The following ARHGEF37 variants were observed in gnomAD, a reference collection of about 807,000 sequenced individuals.
The protein encoded by ARHGEF37 is Rho guanine nucleotide exchange factor 37.
In ARHGEF37, 55 loss-of-function variants were observed where a neutral mutation model predicts 71.1. The observed-to-expected ratio is 0.77, with a 90% CI of 0.62 to 0.97. The LOEUF (loss-of-function observed/expected upper bound fraction) is 0.97. Ranked by LOEUF, ARHGEF37 falls within the 50% of genes least tolerant of loss-of-function variation. The pLI is 0.00. For synonymous variants in ARHGEF37, 327 were observed against 350.6 expected (o/e 0.93, Z 0.75); for missense variants, 765 against 836.8 (o/e 0.91, Z 1.06).
chr5:149,575,742 C>T (rs112629591), intron 1 of ARHGEF37, among the ~76,000 whole-genome samples: 35,322 of 143,072 alleles, frequency 0.25, 4,907 homozygotes, highest in African/African-American at 0.37. Context: ...AGTGCAGTGA[C>T]GCAATCTCAG....
At chr5:149,620,154 G>A (rs1347903425) in intron 7 of ARHGEF37, among the ~76,000 whole-genome samples, 200 bp from the exon 8 acceptor site, 1 of 152,192 alleles carries the variant, frequency 6.6e-6, no homozygotes, top group Non-Finnish European at 1.5e-5. Context: ...CTGGAATGAG[G>A]AGAAAGATGT....
At chr5:149,574,597 G>A (rs1222983385) in intron 1 of ARHGEF37, among the ~76,000 whole-genome samples, 1 of 152,102 alleles carries the variant, frequency 6.6e-6, no homozygotes, top group Non-Finnish European at 1.5e-5. Context: ...CATGTACAAC[G>A]GATATGCCAG....
chr5:149,607,755 C>CTTTTTTTT (rs67079479), intron 3 of ARHGEF37, among the ~76,000 whole-genome samples: 5 of 83,106 alleles, frequency 6.0e-5, no homozygotes, highest in Admixed American at 1.5e-4. Flanking sequence ...AAAGAAACTT[C>CTTTTTTTT]TTTTTTTTTT....
intron 1 of ARHGEF37, among the ~76,000 whole-genome samples, chr5:149,596,140 C>G (rs556026406): frequency 6.6e-6 from 1 of 152,174 alleles, no homozygotes; most frequent in Admixed American, 6.5e-5. Flanking sequence ...TCAGCTGCTC[C>G]CCACCGTAGT....
At chr5:149,570,051 A>G (rs1762943511) in intron 1 of ARHGEF37, among the ~76,000 whole-genome samples, 1 of 152,222 alleles carries the variant, frequency 6.6e-6, no homozygotes, top group Admixed American at 6.5e-5. Context: ...CCCAGCCAGT[A>G]CAATAATGCA....
chr5:149,595,862 A>G (rs1231906574), intron 1 of ARHGEF37, among the ~76,000 whole-genome samples: 1 of 151,992 alleles, frequency 6.6e-6, no homozygotes, highest in Non-Finnish European at 1.5e-5. Context: ...TTACGAATTT[A>G]TGTTATGAAG....
Position 149,613,764 on chromosome 5 carries a change from C to CT in ARHGEF37, c.459-2786dup, listed in dbSNP as rs5872138. Reference sequence around the variant, plus strand: ...GATATTGATATTTCTACAGTGTTTTCTTTTTTTTTTTTTTTTTGAGACAAG... The same window carrying CT: ...GATATTGATATTTCTACAGTGTTTTCTTTTTTTTTTTTTTTTTTGAGACAAG... On this transcript the variant is annotated intron_variant, in intron 4 of 12. Coordinates refer to ENST00000333677, the MANE Select transcript of ARHGEF37 (RefSeq NM_001001669.3). 9.6e-3 allele frequency among the ~76,000 whole-genome samples: 1,283 copies of CT among 133,232 alleles called. 14 individuals carry two copies. The highest frequency in any genetic ancestry group is 0.023 in the African/African-American group (820 of 36,228). 87.4% of individuals were successfully genotyped at this position (133,232 alleles called of 152,430 possible).
Position 149,590,848 on chromosome 5 carries a change from C to T in ARHGEF37, c.-11-6911C>T, listed in dbSNP as rs145357626. Among the ~76,000 whole-genome samples, 1,031 of 152,272 alleles carry T rather than the reference C, an allele frequency of 6.8e-3. 15 individuals are homozygous for T. The highest frequency in any genetic ancestry group is 0.024 in the African/African-American group (1,002 of 41,550). On this transcript the variant is annotated intron_variant, in intron 1 of 12. Coordinates refer to ENST00000333677, the MANE Select transcript of ARHGEF37 (RefSeq NM_001001669.3). ...TCCTGAGCTAAAGTGATCCTCCCGC[C>T]TCGTCCTCCCAAAGTTCTGGGATTA...
intron 1 of ARHGEF37, among the ~76,000 whole-genome samples, chr5:149,564,100 G>T (rs1485916742): frequency 6.6e-6 from 1 of 151,764 alleles, no homozygotes; most frequent in African/African-American, 2.4e-5. Flanking sequence ...TTGTAAACAT[G>T]CACCAACACG....
At chr5:149,556,036 A>T (rs1472369720) in intron 1 of ARHGEF37, among the ~76,000 whole-genome samples, 1 of 152,212 alleles carries the variant, frequency 6.6e-6, no homozygotes, top group Non-Finnish European at 1.5e-5. Context: ...ACTGGTATCC[A>T]GAATGTGCTT....
chr5:149,583,320 A>C (rs73267839), intron 1 of ARHGEF37, among the ~76,000 whole-genome samples: 7,629 of 152,198 alleles, frequency 0.05, 648 homozygotes, highest in African/African-American at 0.17. Flanking sequence ...GTATTTTAGT[A>C]GAGATGGGGT....
intron 1 of ARHGEF37, among the ~76,000 whole-genome samples, chr5:149,590,456 A>G (rs1283303624): frequency 1.3e-5 from 2 of 151,460 alleles, no homozygotes; most frequent in Middle Eastern, 3.2e-3. Flanking sequence ...TAATTTTTGT[A>G]TTTTTAGTAG....
intron 10 of ARHGEF37, among the ~76,000 whole-genome samples, chr5:149,624,536 G>A (rs1752626280): frequency 6.6e-6 from 1 of 152,220 alleles, no homozygotes; most frequent in South Asian, 2.1e-4. Flanking sequence ...CACTTTGGGA[G>A]GCCGAGGTGG....
chr5:149,601,288 C>T (rs749874627), intron 3 of ARHGEF37, 57 bp downstream of exon 3: 152 of 1,568,586 alleles, frequency 9.7e-5, no homozygotes, highest in Admixed American at 1.4e-4. Context: ...CTGTTCTCAG[C>T]GAGTGGTCAC....
chr5:149,617,982 G>T (rs1300289083), intron 5 of ARHGEF37, among the ~76,000 whole-genome samples, 194 bp from the exon 6 acceptor site: 1 of 152,174 alleles, frequency 6.6e-6, no homozygotes, highest in African/African-American at 2.4e-5. Context: ...AGTCAAGCAG[G>T]CAGGAAGCTC....
intron 4 of ARHGEF37, among the ~76,000 whole-genome samples, chr5:149,610,761 A>G (rs564279355): frequency 4.2e-4 from 64 of 152,368 alleles, no homozygotes; most frequent in African/African-American, 1.5e-3. Context: ...AAAAGGGAGA[A>G]GTGGAGGCTG....
Position 149,621,994 on chromosome 5 carries a change from A to T in ARHGEF37, c.1267A>T (p.Thr423Ser), listed in dbSNP as rs760908019. The T allele has an allele frequency of 6.2e-7, 1 of 1,614,158 alleles. No individual in the cohort carries two copies. The highest frequency in any genetic ancestry group is 1.7e-5 in the Admixed American group (1 of 60,010). The change falls in exon 9 of 13, where the codon ACA becomes TCA. Residue 423 changes from threonine to serine, a missense_variant. This residue lies in a region of ARHGEF37 where 390 missense variants were observed against 407.4 expected (regional missense o/e 0.96). Coordinates refer to ENST00000333677, the MANE Select transcript of ARHGEF37 (RefSeq NM_001001669.3). Reference protein sequence around the residue: ...VMQWLGQIMCTFVTLQRDLAK... With the variant: ...VMQWLGQIMCSFVTLQRDLAK... ...GCAGTGGCTGGGCCAGATCATGTGC[A>T]CATTCGTGACCCTCCAGAGGGACCT...
chr5:149,555,407 A>C (rs1416371081), intron 1 of ARHGEF37, among the ~76,000 whole-genome samples: 2 of 151,782 alleles, frequency 1.3e-5, no homozygotes, highest in Non-Finnish European at 2.9e-5. Context: ...GGGCTCAAGC[A>C]ATCCCCCTGC....
upstream of ARHGEF37, among the ~76,000 whole-genome samples, chr5:149,579,563 GGCA>G (rs1763066394): frequency 6.6e-6 from 1 of 151,732 alleles, no homozygotes. Context: ...ATGCTCTCCA[GGCA>G]ACTGATGTTA....
Sources: gnomAD v4.1 joint callset for allele counts (sites outside exome capture counted in the v4.1 genomes callset) on GRCh38, gnomAD v4.1.1 for gene constraint, gnomAD v4.1.1 regional missense constraint, MANE v1.5 for transcripts, NCBI Gene and HGNC (gene_info 2026-07-23, HGNC 2026-07-21) for gene names.